CTNND2: variants seen among roughly 807,000 people sequenced by gnomAD.
CTNND2 encodes catenin delta 2.
CTNND2 carries 22 observed loss-of-function variants against 144.4 expected under a neutral mutation model. The ratio of observed to expected loss-of-function variants is 0.15; its 90% CI spans 0.11 to 0.22. The LOEUF is 0.22. Among genes scored for constraint, CTNND2 ranks in the 10% least tolerant of loss-of-function variants. The probability of loss-of-function intolerance (pLI) is 1.00; values close to 1 mark genes in which losing one functional copy is unlikely to be tolerated. For missense variants in CTNND2, 1,353 were observed against 1,618.8 expected (o/e 0.84, Z 2.82); for synonymous variants, 751 against 695.6 (o/e 1.08, Z -1.25).
At chr5:11,758,715 T>C (rs891567521) in intron 1 of CTNND2, among the ~76,000 whole-genome samples, 1 of 152,062 alleles carries the variant, frequency 6.6e-6, no homozygotes, top group Non-Finnish European at 1.5e-5. Flanking sequence ...ATATTCCCAG[T>C]CTAAAAATAA....
intron 3 of CTNND2, among the ~76,000 whole-genome samples, chr5:11,415,715 T>C (rs543160859): frequency 6.6e-6 from 1 of 152,266 alleles, no homozygotes; most frequent in African/African-American, 2.4e-5. Context: ...ATGAAAGTCA[T>C]TCCCAGTACT....
intron 3 of CTNND2, among the ~76,000 whole-genome samples, chr5:11,450,874 G>A (rs532377372): frequency 6.1e-5 from 8 of 131,958 alleles, no homozygotes; most frequent in Non-Finnish European, 9.2e-5. Context: ...CTCCAGCTTG[G>A]GCAACAACAG....
chr5:11,477,766 A>G (rs1292883012), intron 3 of CTNND2, among the ~76,000 whole-genome samples: 2 of 152,092 alleles, frequency 1.3e-5, no homozygotes, highest in African/African-American at 4.8e-5. Context: ...TCCCTTTGCT[A>G]TGGTTACAAT....
intron 1 of CTNND2, among the ~76,000 whole-genome samples, chr5:11,741,329 C>T (rs1787992565): frequency 6.6e-6 from 1 of 152,114 alleles, no homozygotes; most frequent in Non-Finnish European, 1.5e-5. Context: ...ATATGTCCAT[C>T]AATGATAGAC....
intron 1 of CTNND2, among the ~76,000 whole-genome samples, chr5:11,847,383 A>C (rs529074044): frequency 2.0e-5 from 3 of 151,880 alleles, no homozygotes; most frequent in Non-Finnish European, 4.4e-5. Context: ...TCTAGGTACA[A>C]TAAAACAAAT....
chr5:11,233,164 A>C (rs1050370401), intron 10 of CTNND2, among the ~76,000 whole-genome samples: 4 of 152,138 alleles, frequency 2.6e-5, no homozygotes, highest in Admixed American at 2.0e-4. Context: ...ACTAATACAG[A>C]GGGGAACTGA....
At chr5:11,184,035 T>A (rs755103078) in intron 11 of CTNND2, among the ~76,000 whole-genome samples, 1 of 152,146 alleles carries the variant, frequency 6.6e-6, no homozygotes, top group African/African-American at 2.4e-5. Flanking sequence ...GACTGAAACA[T>A]AACAAAAACC....
At chr5:11,342,410 T>C (rs1220225904) in intron 9 of CTNND2, among the ~76,000 whole-genome samples, 1 of 152,196 alleles carries the variant, frequency 6.6e-6, no homozygotes, top group Admixed American at 6.5e-5. Context: ...CTGCTATAAT[T>C]TGGGCCCAGC....
chr5:11,826,300 A>G (rs1485695143), intron 1 of CTNND2, among the ~76,000 whole-genome samples: 1 of 152,068 alleles, frequency 6.6e-6, no homozygotes, highest in East Asian at 1.9e-4. Flanking sequence ...TAAATTTTAT[A>G]TGAACCAAAC....
chr5:10,974,238 C>T (rs1736166534), intron 21 of CTNND2, among the ~76,000 whole-genome samples: 1 of 152,180 alleles, frequency 6.6e-6, no homozygotes, highest in Non-Finnish European at 1.5e-5. Context: ...TTGCATGGTC[C>T]ATCCATGGTG....
chr5:11,252,366 T>G (rs917692757), intron 9 of CTNND2, among the ~76,000 whole-genome samples: 2 of 152,058 alleles, frequency 1.3e-5, no homozygotes, highest in Admixed American at 1.3e-4. Flanking sequence ...GATCAGAAAC[T>G]GGGGTGGGGG....
intron 2 of CTNND2, among the ~76,000 whole-genome samples, chr5:11,632,821 G>A (rs982432983): frequency 6.6e-6 from 1 of 152,064 alleles, no homozygotes; most frequent in African/African-American, 2.4e-5. Context: ...ATAAATCAAA[G>A]GAAAATTCTG....
intron 1 of CTNND2, among the ~76,000 whole-genome samples, chr5:11,899,186 A>G (rs1235492319): frequency 6.6e-6 from 1 of 152,196 alleles, no homozygotes; most frequent in Non-Finnish European, 1.5e-5. Context: ...TTTCTCTATC[A>G]TAATGACATG....
At chr5:11,677,257 T>G (rs899604102) in intron 2 of CTNND2, among the ~76,000 whole-genome samples, 3 of 152,194 alleles carry the variant, frequency 2.0e-5, no homozygotes, top group African/African-American at 7.2e-5. Flanking sequence ...ATAAGGCAAA[T>G]GCCTCATCAT....
chr5:11,515,990 T>C (rs946332149), intron 3 of CTNND2, among the ~76,000 whole-genome samples: 3 of 152,032 alleles, frequency 2.0e-5, no homozygotes, highest in Non-Finnish European at 4.4e-5. Context: ...CCTGTAGTCA[T>C]AGCTACTGGG....
intron 18 of CTNND2, among the ~76,000 whole-genome samples, chr5:10,997,378 G>A (rs1393214461): frequency 6.6e-6 from 1 of 152,144 alleles, no homozygotes; most frequent in African/African-American, 2.4e-5. Flanking sequence ...CAGATCACGA[G>A]GTCAAGAGAT....
intron 16 of CTNND2, among the ~76,000 whole-genome samples, chr5:11,059,990 A>G (rs1489735550): frequency 6.6e-6 from 1 of 152,100 alleles, no homozygotes; most frequent in East Asian, 1.9e-4. Flanking sequence ...TTTTCCTGCA[A>G]AATAAGGAGA....
intron 3 of CTNND2, 49 bp from the exon 4 acceptor site, chr5:11,412,118 A>T: frequency 6.9e-7 from 1 of 1,457,810 alleles, no homozygotes; most frequent in Non-Finnish European, 9.6e-7. Context: ...AGAAAAGAAA[A>T]ATAAAACCCT....
intron 8 of CTNND2, among the ~76,000 whole-genome samples, chr5:11,346,960 T>C (rs964449844): frequency 6.6e-6 from 1 of 152,086 alleles, no homozygotes; most frequent in African/African-American, 2.4e-5. Context: ...TAAGGAGGCA[T>C]GGGAAGTTAA....
Sources: allele counts gnomAD v4.1 joint callset (sites outside exome capture counted in the v4.1 genomes callset), GRCh38; gene constraint gnomAD v4.1.1; transcripts MANE v1.5; gene names NCBI Gene and HGNC (gene_info 2026-07-23, HGNC 2026-07-21).